The following SGPL1 variants were observed in gnomAD, a reference collection of about 807,000 sequenced individuals.
SGPL1 encodes SP-lyase 1.
Under a neutral mutation model 68.9 loss-of-function variants are expected in SGPL1, and 37 were observed. The ratio of observed to expected loss-of-function variants is 0.54; its 90% CI spans 0.41 to 0.71. SGPL1 has a LOEUF of 0.71. SGPL1 is among the 30% of genes least tolerant of loss of function. The pLI is 0.00. For synonymous variants in SGPL1, 236 were observed against 248.5 expected, an observed-to-expected ratio of 0.95 and a Z score of 0.47; for missense variants, 551 against 704.6, an observed-to-expected ratio of 0.78 and a Z score of 2.47.
intron 7 of SGPL1, chr10:70,866,432 TTTACAG>T (rs1320794529): frequency 1.3e-5 from 2 of 152,134 alleles, no homozygotes; most frequent in Non-Finnish European, 2.9e-5. Flanking sequence ...TATTCCTACT[TTTACAG>T]TCAAAAGTCC....
chr10:70,867,917 T>A (rs1846223792), intron 7 of SGPL1, among the ~76,000 whole-genome samples: 1 of 152,250 alleles, frequency 6.6e-6, no homozygotes, highest in African/African-American at 2.4e-5. Context: ...TGAATGTCTC[T>A]TTTTAGTGTA....
intron 5 of SGPL1, among the ~76,000 whole-genome samples, chr10:70,855,271 A>G (rs1038908779): frequency 6.6e-6 from 1 of 152,268 alleles, no homozygotes; most frequent in African/African-American, 2.4e-5. Context: ...GCATGTAGCT[A>G]TAGGTAGAGC....
chr10:70,871,918 T>C lies in SGPL1; in HGVS notation c.991T>C (p.Tyr331His). ...FLIVFMEKAG[Y>H]PLEHPFDFRV... ...CATCGTCTTTATGGAGAAAGCAGGATACCCACTGGAGCACCCATTTGATTT... is the reference window on the plus strand; with the variant it reads ...CATCGTCTTTATGGAGAAAGCAGGACACCCACTGGAGCACCCATTTGATTT... Residue 331 changes from tyrosine (Y) to histidine (H), a missense_variant, in exon 11 of 15, where the codon TAC (tyrosine) becomes CAC (histidine). By Grantham distance (83) the Tyr-to-His change is moderately conservative. Coordinates refer to ENST00000373202, the MANE Select transcript of SGPL1 (RefSeq NM_003901.4). 6.2e-7 allele frequency: 1 copy of C among 1,614,162 alleles called. No homozygotes were observed. Among genetic ancestry groups the C allele is most frequent in the South Asian group, 1.1e-5 (1 of 91,080 alleles).
In SGPL1 at chr10:70,854,873, T is replaced by C. The variant is rs1732343746; in HGVS notation, c.409+18T>C. On this transcript the variant is annotated intron_variant, in intron 5 of 14. Transcript: ENST00000373202. ...CTCTATGGGTATGATGCTTGGCATA[T>C]ACATGCTCTCTACTTCCTTAAAGAG... 1.3e-6 allele frequency: 2 copies of C among 1,576,222 alleles called. No individual in the cohort carries two copies. The highest frequency in any genetic ancestry group is 3.8e-5 in the Admixed American group (2 of 52,110).
Position 70,875,509 on chromosome 10 carries a change from C to G in SGPL1, c.1406C>G (p.Ala469Gly), listed in dbSNP as rs770625811. 1 of 1,613,250 alleles carries G rather than the reference C, an allele frequency of 6.2e-7. No individual in the cohort carries two copies. Among genetic ancestry groups the G allele is most frequent in the Non-Finnish European group, 8.5e-7 (1 of 1,179,420 alleles). ...TACCGACTATCAAACCTGATGACTG[C>G]TAAGGGGTGGAACTTGAACCAGTTG... is the stretch of plus-strand genomic sequence containing the variant. ...DIYRLSNLMT[A>G]KGWNLNQLQF... The change falls in exon 13 of 15, where the codon GCT becomes GGT. Residue 469 changes from alanine to glycine, a missense_variant. By Grantham distance (60) the Ala-to-Gly change is moderately conservative. Coordinates refer to ENST00000373202, the MANE Select transcript of SGPL1 (RefSeq NM_003901.4).
intron 12 of SGPL1, 81 bp from the exon 13 acceptor site, chr10:70,875,321 A>C: frequency 1.1e-6 from 1 of 899,700 alleles, no homozygotes; most frequent in East Asian, 2.4e-5. Flanking sequence ...GAAGACTTTG[A>C]ATGATTAAAG....
At chr10:70,842,500 C>A (rs531297471) in intron 2 of SGPL1, among the ~76,000 whole-genome samples, 1 of 152,244 alleles carries the variant, frequency 6.6e-6, no homozygotes, top group Admixed American at 6.5e-5. Flanking sequence ...CATATTTGTA[C>A]AAACATGGCT....
intron 3 of SGPL1, among the ~76,000 whole-genome samples, chr10:70,849,660 G>C (rs545562927): frequency 1.3e-5 from 2 of 152,224 alleles, no homozygotes; most frequent in African/African-American, 4.8e-5. Flanking sequence ...GATACAAAAA[G>C]GGGGTGCAGA....
At chr10:70,836,117 C>A (rs1845624546) in intron 2 of SGPL1, among the ~76,000 whole-genome samples, 1 of 152,208 alleles carries the variant, frequency 6.6e-6, no homozygotes, top group Non-Finnish European at 1.5e-5. Flanking sequence ...ATCTGTGTGC[C>A]TGTGGCAGTT....
intron 2 of SGPL1, among the ~76,000 whole-genome samples, chr10:70,833,451 G>C (rs1208960440): frequency 6.6e-6 from 1 of 152,136 alleles, no homozygotes. Context: ...TGGCTGTCTG[G>C]TTTTGTTGCT....
intron 2 of SGPL1, among the ~76,000 whole-genome samples, chr10:70,842,753 C>G (rs1391364753): frequency 6.6e-6 from 1 of 152,188 alleles, no homozygotes; most frequent in Admixed American, 6.5e-5. Flanking sequence ...CACATTTCAA[C>G]ATGAGATTTG....
chr10:70,822,811 T>G (rs1845364494), intron 2 of SGPL1, among the ~76,000 whole-genome samples: 1 of 137,336 alleles, frequency 7.3e-6, no homozygotes, highest in African/African-American at 2.6e-5. Context: ...TTTTTTTTTT[T>G]GTCATGGCAA....
intron 2 of SGPL1, among the ~76,000 whole-genome samples, chr10:70,831,499 C>T (rs962846762): frequency 4.6e-5 from 7 of 152,164 alleles, no homozygotes; most frequent in Non-Finnish European, 7.4e-5. Context: ...GATTAATTTG[C>T]TGGAACAGCT....
intron 8 of SGPL1, among the ~76,000 whole-genome samples, chr10:70,868,831 G>T (rs1846241050): frequency 6.6e-6 from 1 of 152,072 alleles, no homozygotes; most frequent in Non-Finnish European, 1.5e-5. Flanking sequence ...AATATTATAG[G>T]CTGCCTCAGG....
chr10:70,821,459 G>A (rs1845336400), intron 2 of SGPL1, among the ~76,000 whole-genome samples: 1 of 152,204 alleles, frequency 6.6e-6, no homozygotes, highest in Non-Finnish European at 1.5e-5. Context: ...ATCAAGGTTA[G>A]CGTGTGCACC....
intron 3 of SGPL1, among the ~76,000 whole-genome samples, chr10:70,847,074 G>C (rs541881627): frequency 6.6e-6 from 1 of 152,042 alleles, no homozygotes; most frequent in African/African-American, 2.4e-5. Flanking sequence ...ATTGTTAGTC[G>C]TAGTATACTG....
rs1846303963 is a variant in SGPL1 at position 70,871,881 on chromosome 10, G to A, written c.954G>A (p.Leu318=). ...YKIPLHVDAC[L]GGFLIVFMEK... is the part of the protein sequence containing the mutation. ...TACCCCTTCATGTCGACGCTTGTCT[G>A]GGAGGCTTCCTCATCGTCTTTATGG... Residue 318 remains leucine, a synonymous_variant, in exon 11 of 15, where the codon CTG becomes CTA. Transcript: ENST00000373202. 8.1e-6 allele frequency: 13 copies of A among 1,614,080 alleles called. No individual in the cohort carries two copies. The highest frequency in any genetic ancestry group is 1.3e-5 in the African/African-American group (1 of 75,036).
intron 7 of SGPL1, among the ~76,000 whole-genome samples, chr10:70,868,060 G>A (rs149396113): frequency 2.2e-4 from 33 of 152,354 alleles, no homozygotes; most frequent in African/African-American, 7.9e-4. Flanking sequence ...AATTAATACA[G>A]AAATGTAAAT....
intron 7 of SGPL1, among the ~76,000 whole-genome samples, chr10:70,861,613 G>A (rs1353733608): frequency 3.3e-5 from 5 of 152,230 alleles, no homozygotes. Context: ...GGTCGGAGCC[G>A]GCTCCCTCAG....
Sources: gnomAD v4.1 joint callset for allele counts (sites outside exome capture counted in the v4.1 genomes callset) on GRCh38, gnomAD v4.1.1 for gene constraint, MANE v1.5 for transcripts, NCBI Gene and HGNC (gene_info 2026-07-23, HGNC 2026-07-21) for gene names.